Variants in ACVR2A observed in about 807,000 individuals in gnomAD.
The protein encoded by ACVR2A is activin receptor type-2A.
In ACVR2A, 7 loss-of-function variants were observed where a neutral mutation model predicts 61.4. That is an observed-to-expected ratio of 0.11 (90% CI 0.06 to 0.21). The LOEUF is 0.21. Ranked by LOEUF, ACVR2A falls within the 10% of genes least tolerant of loss-of-function variation. The pLI is 1.00. For missense variants in ACVR2A, 322 were observed against 621.7 expected (o/e 0.52, Z 5.13); for synonymous variants, 193 against 208.3 (o/e 0.93, Z 0.63).
chr2:147,890,634 GT>G (rs903891587), intron 1 of ACVR2A, among the ~76,000 whole-genome samples: 3 of 152,020 alleles, frequency 2.0e-5, no homozygotes, highest in African/African-American at 7.2e-5. Context: ...ACTATTTAGA[GT>G]TACTTTGATA....
intron 1 of ACVR2A, among the ~76,000 whole-genome samples, chr2:147,862,250 A>G (rs1447008949): frequency 6.6e-6 from 1 of 151,938 alleles, no homozygotes; most frequent in Non-Finnish European, 1.5e-5. Flanking sequence ...TAGCAATAAT[A>G]AGCACCAAAG....
intron 1 of ACVR2A, among the ~76,000 whole-genome samples, chr2:147,870,601 A>G (rs1558964854): frequency 1.3e-5 from 2 of 152,156 alleles, no homozygotes; most frequent in Non-Finnish European, 2.9e-5. Flanking sequence ...CTGTAAAGTC[A>G]GTATGCAGTA....
intron 1 of ACVR2A, among the ~76,000 whole-genome samples, chr2:147,865,253 C>T (rs1440500276): frequency 2.0e-5 from 3 of 152,108 alleles, no homozygotes; most frequent in African/African-American, 2.4e-5. Context: ...CCTTTTTCCT[C>T]TCACCGTCCA....
At chr2:147,899,180 G>T (rs1176361947) in intron 2 of ACVR2A, among the ~76,000 whole-genome samples, 1 of 152,002 alleles carries the variant, frequency 6.6e-6, no homozygotes, top group Non-Finnish European at 1.5e-5. Context: ...AAAAAAAGAT[G>T]CTTGCCTTAG....
At chr2:147,900,621 G>A (rs990187194) in intron 4 of ACVR2A, 3 of 152,002 alleles carry the variant, frequency 2.0e-5, no homozygotes, top group Non-Finnish European at 4.4e-5. Flanking sequence ...TAGACACTTT[G>A]TGCAGGTCTG....
chr2:147,924,649 T>A (rs1359488777), intron 9 of ACVR2A, among the ~76,000 whole-genome samples: 1 of 151,732 alleles, frequency 6.6e-6, no homozygotes, highest in Non-Finnish European at 1.5e-5. Flanking sequence ...GAAATTGGGG[T>A]AGAGAGGATA....
In ACVR2A at chr2:147,927,081, G is replaced by T; in HGVS notation, c.1349G>T (p.Gly450Val). The change falls in exon 11 of 11, where the codon GGA becomes GTA. Residue 450 changes from glycine (G) to valine (V), a missense_variant and splice_region_variant. Transcript: ENST00000241416. ...VLRDYWQKHA[G>V]MAMLCETIEE... ...GAGTATATGTTTTTCTCCTTTTAGG[G>T]AATGGCAATGCTCTGTGAAACCATT... is the stretch of plus-strand genomic sequence containing the variant. 1 of 1,610,618 alleles carries T rather than the reference G, an allele frequency of 6.2e-7. No individual in the cohort carries two copies. Among genetic ancestry groups the T allele is most frequent in the Non-Finnish European group, 8.5e-7 (1 of 1,178,098 alleles).
intron 1 of ACVR2A, among the ~76,000 whole-genome samples, chr2:147,885,098 A>G (rs1300173954): frequency 3.0e-4 from 46 of 151,950 alleles, no homozygotes; most frequent in Admixed American, 2.9e-3. Flanking sequence ...CTTTTTTCTT[A>G]CTATTCTAGG....
intron 1 of ACVR2A, among the ~76,000 whole-genome samples, chr2:147,892,376 T>C (rs139788305): frequency 6.6e-6 from 1 of 151,576 alleles, no homozygotes; most frequent in Non-Finnish European, 1.5e-5. Flanking sequence ...GCACCATTAC[T>C]GCCCACAAAT....
At chr2:147,883,117 G>A (rs1686348821) in intron 1 of ACVR2A, among the ~76,000 whole-genome samples, 1 of 152,182 alleles carries the variant, frequency 6.6e-6, no homozygotes, top group Admixed American at 6.5e-5. Context: ...CTGCCTCTAG[G>A]ATGTGTATCA....
intron 1 of ACVR2A, among the ~76,000 whole-genome samples, chr2:147,890,271 G>T (rs1319356741): frequency 2.6e-5 from 4 of 151,894 alleles, no homozygotes; most frequent in Non-Finnish European, 5.9e-5. Flanking sequence ...TACCAGAGGA[G>T]TTTGCAGTAT....
chr2:147,844,987 T>TTTAA, upstream of ACVR2A: 1 of 392,494 alleles, frequency 2.5e-6, no homozygotes, highest in East Asian at 4.7e-5. Context: ...TTTTTTTTTT[T>TTTAA]AACCCAGTGA....
At chr2:147,923,133 A>T (rs1469940136) in intron 9 of ACVR2A, 22 bp downstream of exon 9, 2 of 1,598,690 alleles carry the variant, frequency 1.3e-6, no homozygotes, top group South Asian at 2.3e-5. Flanking sequence ...AAATATTTTT[A>T]AAAAAGATAT....
intron 1 of ACVR2A, among the ~76,000 whole-genome samples, chr2:147,849,332 G>A (rs762519554): frequency 1.3e-5 from 2 of 152,122 alleles, no homozygotes; most frequent in African/African-American, 4.8e-5. Context: ...GTGTGTGTGT[G>A]TAACATGTTG....
In ACVR2A at chr2:147,915,266, A is replaced by G; in HGVS notation, c.604A>G (p.Arg202Gly). 1.2e-6 allele frequency: 2 copies of G among 1,612,420 alleles called. No individual in the cohort carries two copies. The highest frequency in any genetic ancestry group is 1.7e-6 in the Non-Finnish European group (2 of 1,178,818). ...GTTATTAGAAGTGAAAGCAAGGGGA[A>G]GATTTGGTTGTGTCTGGAAAGCCCA... ...LQLLEVKARGRFGCVWKAQLL... is the reference protein window; with the variant it reads ...LQLLEVKARGGFGCVWKAQLL... Residue 202 changes from arginine to glycine, a missense_variant, in exon 5 of 11, where the codon AGA (arginine) becomes GGA (glycine). This residue lies in a region of ACVR2A where 146 missense variants were observed against 383.8 expected (regional missense o/e 0.38). Coordinates refer to ENST00000241416, the MANE Select transcript of ACVR2A (RefSeq NM_001616.5).
chr2:147,895,974 C>G (rs1686723997), intron 1 of ACVR2A, among the ~76,000 whole-genome samples: 1 of 152,024 alleles, frequency 6.6e-6, no homozygotes, highest in South Asian at 2.1e-4. Flanking sequence ...TAGTTTTTGT[C>G]CCACACAATA....
At chr2:147,851,944 G>A (rs1384713518) in intron 1 of ACVR2A, among the ~76,000 whole-genome samples, 1 of 151,988 alleles carries the variant, frequency 6.6e-6, no homozygotes, top group Non-Finnish European at 1.5e-5. Context: ...ACTTGGATTA[G>A]ATGATCCCTG....
At chr2:147,884,716 A>G (rs1558802399) in intron 1 of ACVR2A, among the ~76,000 whole-genome samples, 1 of 152,160 alleles carries the variant, frequency 6.6e-6, no homozygotes, top group Non-Finnish European at 1.5e-5. Flanking sequence ...CAAAAGCTTC[A>G]TCTCTGTATT....
At chr2:147,865,857 T>C (rs1252514417) in intron 1 of ACVR2A, among the ~76,000 whole-genome samples, 1 of 152,182 alleles carries the variant, frequency 6.6e-6, no homozygotes, top group African/African-American at 2.4e-5. Flanking sequence ...TTAGAGTCCC[T>C]TGGGATAGCA....
Sources: gnomAD v4.1 joint callset for allele counts (sites outside exome capture counted in the v4.1 genomes callset) on GRCh38, gnomAD v4.1.1 for gene constraint, gnomAD v4.1.1 regional missense constraint, MANE v1.5 for transcripts, NCBI Gene and HGNC (gene_info 2026-07-23, HGNC 2026-07-21) for gene names.